Variants in MALRD1 observed in about 807,000 individuals in gnomAD.
MALRD1 encodes MAM and LDL-receptor class A domain-containing protein 1.
A neutral mutation model predicts 242.1 loss-of-function variants in MALRD1; 247 were observed. The observed-to-expected ratio is 1.02, with a 90% CI of 0.92 to 1.13. The LOEUF (loss-of-function observed/expected upper bound fraction) is 1.13, where lower values mean the gene tolerates loss of function less well. MALRD1 is among the 50% of genes most tolerant of loss of function. The probability of loss-of-function intolerance (pLI) is 0.00; values close to 1 mark genes in which losing one functional copy is unlikely to be tolerated. For synonymous variants in MALRD1, 995 were observed against 866.6 expected (o/e 1.15, Z -2.60); for missense variants, 2,989 against 2,533.1 (o/e 1.18, Z -3.86).
At chr10:19,584,891 T>C (rs1837309107) in intron 33 of MALRD1, among the ~76,000 whole-genome samples, 1 of 151,660 alleles carries the variant, frequency 6.6e-6, no homozygotes, top group South Asian at 2.1e-4. Context: ...AGGACTTGCT[T>C]TATGAATCTG....
Position 19,643,137 on chromosome 10 carries a change from T to C in MALRD1, c.6137+27214T>C, listed in dbSNP as rs564038317. Reference sequence around the variant, plus strand: ...GTAATTAGTAGTAATGTGGGTAAAATAAAAATTGTTTAAGCCCGGAGCGGT... The same window carrying C: ...GTAATTAGTAGTAATGTGGGTAAAACAAAAATTGTTTAAGCCCGGAGCGGT... On this transcript the variant is annotated intron_variant, in intron 36 of 39. Transcript: ENST00000454679. 4.6e-5 allele frequency among the ~76,000 whole-genome samples: 7 copies of C among 152,138 alleles called. No homozygotes were observed. The East Asian group carries it at 1.4e-3, about 29-fold the overall frequency.
chr10:19,522,889 A>C (rs1383680939), intron 31 of MALRD1, among the ~76,000 whole-genome samples: 1 of 152,170 alleles, frequency 6.6e-6, no homozygotes, highest in African/African-American at 2.4e-5. Context: ...GTATTTTACC[A>C]GTCTTACCTT....
chr10:19,199,621 CA>C (rs1836430805), intron 14 of MALRD1, among the ~76,000 whole-genome samples: 1 of 151,828 alleles, frequency 6.6e-6, no homozygotes, highest in Non-Finnish European at 1.5e-5. Flanking sequence ...GCCAACATGG[CA>C]AAACCCCATC....
chr10:19,097,493 G>A (rs951988191), intron 4 of MALRD1, among the ~76,000 whole-genome samples: 1 of 152,280 alleles, frequency 6.6e-6, no homozygotes, highest in Admixed American at 6.5e-5. Flanking sequence ...GCAGACAGAA[G>A]CAATTAATTT....
intron 12 of MALRD1, among the ~76,000 whole-genome samples, chr10:19,161,190 C>T (rs1834382963): frequency 7.3e-6 from 1 of 136,906 alleles, no homozygotes; most frequent in African/African-American, 2.7e-5. Flanking sequence ...ATGATGAGTT[C>T]ATATCCTTTG....
intron 13 of MALRD1, among the ~76,000 whole-genome samples, chr10:19,169,572 C>G (rs1488957092): frequency 6.6e-6 from 1 of 151,908 alleles, no homozygotes; most frequent in Non-Finnish European, 1.5e-5. Flanking sequence ...TCTCTCCATC[C>G]CATTTCTTAT....
intron 18 of MALRD1, among the ~76,000 whole-genome samples, chr10:19,247,108 AG>A (rs755647770): frequency 2.6e-5 from 4 of 152,136 alleles, no homozygotes; most frequent in Non-Finnish European, 4.4e-5. Flanking sequence ...TTGCACAGCT[AG>A]TCTACATAGT....
chr10:19,514,394 A>G (rs928851041), intron 31 of MALRD1, among the ~76,000 whole-genome samples: 5 of 152,148 alleles, frequency 3.3e-5, no homozygotes, highest in Non-Finnish European at 5.9e-5. Context: ...GATAAGCCTA[A>G]TTAGTTTTAC....
rs200208905 is a variant in MALRD1 at position 19,542,956 on chromosome 10, C to T, written c.5478+11605C>T. On this transcript the variant is annotated intron_variant, in intron 32 of 39. Coordinates refer to ENST00000454679, the MANE Select transcript of MALRD1 (RefSeq NM_001142308.3). ...TACAACTTTTATCAACAGTAAATAG[C>T]CCTCTTTGTAGTTTCCATGGAAATC... is the stretch of plus-strand genomic sequence containing the variant. Among the ~76,000 whole-genome samples, 9 of 152,188 alleles carry T rather than the reference C, an allele frequency of 5.9e-5. No homozygotes were observed. In the East Asian group the frequency reaches 1.5e-3, roughly 26 times the overall value.
intron 24 of MALRD1, 39 bp from the exon 25 acceptor site, chr10:19,347,732 T>C (rs973524707): frequency 8.4e-6 from 13 of 1,544,168 alleles, no homozygotes; most frequent in Non-Finnish European, 1.1e-5. Context: ...GTAGGCAAAT[T>C]TCCATTTTCT....
intron 28 of MALRD1, among the ~76,000 whole-genome samples, chr10:19,423,279 A>G (rs1393605396): frequency 6.6e-6 from 1 of 151,982 alleles, no homozygotes; most frequent in Admixed American, 6.6e-5. Flanking sequence ...TTGACTCTAA[A>G]TTTGCTCTCT....
intron 32 of MALRD1, among the ~76,000 whole-genome samples, chr10:19,536,350 CT>C (rs71870185): frequency 1.6e-4 from 24 of 145,604 alleles, no homozygotes; most frequent in Middle Eastern, 3.6e-3. Flanking sequence ...TTTTTCTTTT[CT>C]TTTTTTTTTT....
intron 32 of MALRD1, among the ~76,000 whole-genome samples, chr10:19,542,062 A>G (rs556139084): frequency 6.6e-6 from 1 of 152,332 alleles, no homozygotes; most frequent in African/African-American, 2.4e-5. Flanking sequence ...AAATAAAAGT[A>G]AACTCAACTT....
At chr10:19,568,366 G>T (rs4747378) in intron 33 of MALRD1, among the ~76,000 whole-genome samples, 108,950 of 151,812 alleles carry the variant, frequency 0.72, 41,768 homozygotes, top group Non-Finnish European at 0.84. Context: ...TGTTGTTGTT[G>T]TTGTTTTTTC....
rs978550708 is a variant in MALRD1, at chr10:19,389,558, C to T, written c.4794C>T (p.Phe1598=). The change falls in exon 28 of 40, where the codon TTC becomes TTT. Residue 1598 remains phenylalanine (F), a synonymous_variant. Coordinates refer to ENST00000454679, the MANE Select transcript of MALRD1 (RefSeq NM_001142308.3). ...CCAGTGCAGCCTGCACCATGAGCTT[C>T]TGGTATTTCGTATCTGCAAAGGCCA... ...RESSAACTMS[F]WYFVSAKATG... is the part of the protein sequence containing the mutation. 5.8e-5 allele frequency: 90 copies of T among 1,550,598 alleles called. No individual in the cohort carries two copies. Among genetic ancestry groups the T allele is most frequent in the Non-Finnish European group, 7.3e-5 (84 of 1,146,980 alleles).
intron 28 of MALRD1, among the ~76,000 whole-genome samples, chr10:19,400,942 A>G (rs1462007681): frequency 1.3e-5 from 2 of 151,952 alleles, no homozygotes; most frequent in East Asian, 3.9e-4. Flanking sequence ...CTTGAACCCA[A>G]AAGGTGGAGG....
chr10:19,100,270 G>A (rs1564390979), intron 4 of MALRD1, among the ~76,000 whole-genome samples: 1 of 152,122 alleles, frequency 6.6e-6, no homozygotes, highest in Non-Finnish European at 1.5e-5. Flanking sequence ...TAAGAAAAAT[G>A]TTCCTTCCTG....
intron 36 of MALRD1, among the ~76,000 whole-genome samples, chr10:19,657,920 G>A (rs1841239509): frequency 6.6e-6 from 1 of 152,102 alleles, no homozygotes; most frequent in Non-Finnish European, 1.5e-5. Flanking sequence ...GGCTGAGGCG[G>A]GTGGATCACC....
chr10:19,666,012 G>A (rs529603155), intron 36 of MALRD1, among the ~76,000 whole-genome samples: 24 of 151,960 alleles, frequency 1.6e-4, no homozygotes, highest in Admixed American at 1.3e-3. Context: ...GAATTCAAAC[G>A]CAGGAGGGAG....
Sources: gnomAD v4.1 joint callset for allele counts (sites outside exome capture counted in the v4.1 genomes callset) on GRCh38, gnomAD v4.1.1 for gene constraint, MANE v1.5 for transcripts, NCBI Gene and HGNC (gene_info 2026-07-23, HGNC 2026-07-21) for gene names.